Variants in TSC1 observed in about 807,000 individuals in gnomAD.
TSC1 encodes hamartin.
Under a neutral mutation model 124.3 loss-of-function variants are expected in TSC1, and 20 were observed. The observed-to-expected ratio is 0.16, with a 90% confidence interval of 0.11 to 0.23. The LOEUF (loss-of-function observed/expected upper bound fraction) is 0.23. Ranked by LOEUF, TSC1 falls within the 10% of genes least tolerant of loss-of-function variation. The pLI, the probability that TSC1 is intolerant of heterozygous loss-of-function variation, is 1.00. For missense variants in TSC1, 1,124 were observed against 1,448.5 expected (o/e 0.78, Z 3.64); for synonymous variants, 493 against 539.1 (o/e 0.91, Z 1.19).
chr9:132,913,980 C>T (rs1313134671), intron 8 of TSC1, among the ~76,000 whole-genome samples: 5 of 147,446 alleles, frequency 3.4e-5, no homozygotes, highest in Non-Finnish European at 7.5e-5. Context: ...CTCACTGCAA[C>T]CTCCACCTTC....
intron 8 of TSC1, among the ~76,000 whole-genome samples, chr9:132,919,418 GAAT>G (rs1846425581): frequency 6.6e-6 from 1 of 152,170 alleles, no homozygotes; most frequent in Non-Finnish European, 1.5e-5. Flanking sequence ...GGAAATTTCA[GAAT>G]ATTATGACAA....
chr9:132,929,911 G>A (rs998338265), intron 2 of TSC1, among the ~76,000 whole-genome samples: 20 of 152,230 alleles, frequency 1.3e-4, no homozygotes, highest in Admixed American at 8.5e-4. Context: ...AGGTATGCCC[G>A]ACTCCAAAGC....
chr9:132,934,979 G>A (rs1847381058), intron 2 of TSC1, 54 bp downstream of exon 2: 1 of 398,852 alleles, frequency 2.5e-6, no homozygotes, highest in South Asian at 1.3e-4. Flanking sequence ...CACGACCATG[G>A]GCAAGATAAT....
chr9:132,910,531 T>C (rs1481204257), intron 12 of TSC1, 40 bp downstream of exon 12: 1 of 1,613,742 alleles, frequency 6.2e-7, no homozygotes, highest in African/African-American at 1.3e-5. Context: ...AGTGAGTCAC[T>C]GTGCCTGGGC....
At position 132,893,043 on chromosome 9, in the gene TSC1, G is replaced by GT. The variant is rs1265058606; in HGVS notation, c.*3191dup. The GT allele has an allele frequency of 1.3e-5, 3 of 233,240 alleles. No individual in the cohort carries two copies. The highest frequency in any genetic ancestry group is 1.7e-5 in the Non-Finnish European group (2 of 118,064). The allele number at this position is 233,240 out of a possible 1,614,324, so 14.4% of individuals were successfully genotyped here. A position where few individuals can be genotyped will look rare whatever the true frequency, so the allele number is the denominator to read the frequency against. The stretch of plus-strand genomic sequence containing the variant: ...TGAATTTTTCTAATTGTCCTGGGTC[G>GT]TAACAGTTCACCTTCTCAGAACAGT... On this transcript the variant is annotated 3_prime_UTR_variant, in exon 23 of 23. Transcript: ENST00000298552.
In TSC1 at chr9:132,921,427, C is replaced by T. The variant is rs572899352; in HGVS notation, c.673G>A (p.Glu225Lys). The T allele has an allele frequency of 1.2e-6, 2 of 1,614,122 alleles. No homozygotes were observed. Among genetic ancestry groups the T allele is most frequent in the African/African-American group, 1.3e-5 (1 of 75,050 alleles). ...AATTCCGGATGAATTCGCACATGCT[C>T]CATCATTGGCTAGAAGAGTTGGGTT... ...TFEEVVKPMMEHVRIHPELVT... is the reference protein window; with the variant it reads ...TFEEVVKPMMKHVRIHPELVT... The change falls in exon 8 of 23, where the codon GAG becomes AAG. Residue 225 changes from glutamate to lysine, a missense_variant. Glu to Lys is a moderately conservative substitution (Grantham distance 56). Coordinates refer to ENST00000298552, the MANE Select transcript of TSC1 (RefSeq NM_000368.5). This position sits in a 1 kb window ranked among gnomAD's most constrained non-coding sequence, Gnocchi z 4.3.
chr9:132,921,487 T>C lies in TSC1; in HGVS notation c.664-51A>G. ...TAAAGGGCTGAATGTTTGTGGAACA[T>C]CCAAATGATGGAATATTAGTTGACA... is the stretch of plus-strand genomic sequence containing the variant. On this transcript the variant is annotated intron_variant, in intron 7 of 22. Transcript: ENST00000298552. This position sits in a 1 kb window ranked among gnomAD's most constrained non-coding sequence, Gnocchi z 4.3. The C allele has an allele frequency of 6.3e-7, 1 of 1,587,606 alleles. No individual in the cohort carries two copies. Among genetic ancestry groups the C allele is most frequent in the Non-Finnish European group, 8.7e-7 (1 of 1,156,024 alleles).
At chr9:132,909,643 A>G (rs1407899039) in intron 12 of TSC1, 1 of 152,190 alleles carries the variant, frequency 6.6e-6, no homozygotes, top group Non-Finnish European at 1.5e-5. Flanking sequence ...CTCAATTCAA[A>G]TAACTGCATG....
intron 1 of TSC1, among the ~76,000 whole-genome samples, chr9:132,935,591 C>A (rs919525835): frequency 6.6e-6 from 1 of 152,224 alleles, no homozygotes; most frequent in Non-Finnish European, 1.5e-5. Context: ...ACCGAAGTTA[C>A]TGGAGGAGCC....
chr9:132,911,625 TAAAAAAAAAA>T (rs11364856), intron 9 of TSC1, 57 bp from the exon 10 acceptor site: 235 of 168,986 alleles, frequency 1.4e-3, no homozygotes, highest in African/African-American at 2.0e-3. Flanking sequence ...TTATTCTGGT[TAAAAAAAAAA>T]AAAAAAAAAA....
rs1846562767 is a variant in TSC1 at position 132,921,691 on chromosome 9, G to A, written c.663+128C>T. 1 of 1,257,252 alleles carries A rather than the reference G, an allele frequency of 8.0e-7. No homozygotes were observed. Among genetic ancestry groups the A allele is most frequent in the Admixed American group, 1.8e-5 (1 of 56,114 alleles). 77.9% of individuals were successfully genotyped at this position (1,257,252 alleles called of 1,614,324 possible). ...ACAGATTAGTGGCTGCCTAGGGATTGGAGTGGCGAGGAAGAAAACTGAATT... is the reference window on the plus strand; with the variant it reads ...ACAGATTAGTGGCTGCCTAGGGATTAGAGTGGCGAGGAAGAAAACTGAATT... On this transcript the variant is annotated intron_variant, in intron 7 of 22. Transcript: ENST00000298552. The surrounding 1 kb of genome is among the most constrained non-coding windows in gnomAD (Gnocchi z 4.3).
chr9:132,917,448 A>T (rs918716708), intron 8 of TSC1, among the ~76,000 whole-genome samples: 1 of 152,132 alleles, frequency 6.6e-6, no homozygotes, highest in Non-Finnish European at 1.5e-5. Flanking sequence ...CTCCTGCCTC[A>T]GCCTCCCAAG....
In TSC1 at chr9:132,896,351, C is replaced by A. The variant is rs1845037495; in HGVS notation, c.3379G>T (p.Val1127Leu). The change falls in exon 23 of 23, where the codon GTG becomes TTG. Residue 1127 changes from valine to leucine, a missense_variant. Val to Leu is a conservative substitution (Grantham distance 32). This residue lies in a region of TSC1 where 325 missense variants were observed against 383.4 expected (regional missense o/e 0.85). Transcript: ENST00000298552. This position sits in a 1 kb window ranked among gnomAD's most constrained non-coding sequence, Gnocchi z 4.5. ...LKTELGKDLG[V>L]EAKIPLNLDG... Reference sequence around the variant, plus strand: ...AGGTTCAGGGGAATCTTGGCTTCCACACCCAAGTCTTTGCCCAGTTCTGTC... The same window carrying A: ...AGGTTCAGGGGAATCTTGGCTTCCAAACCCAAGTCTTTGCCCAGTTCTGTC... 6.2e-7 allele frequency: 1 copy of A among 1,614,218 alleles called. No individual in the cohort carries two copies. Among genetic ancestry groups the A allele is most frequent in the Non-Finnish European group, 8.5e-7 (1 of 1,180,022 alleles).
chr9:132,927,664 T>A (rs984415716), intron 3 of TSC1, among the ~76,000 whole-genome samples: 1 of 151,698 alleles, frequency 6.6e-6, no homozygotes, highest in Non-Finnish European at 1.5e-5. Flanking sequence ...CTAGCTGGGA[T>A]TACAGGCACC....
chr9:132,916,477 CCCT>C (rs1208888381), intron 8 of TSC1, among the ~76,000 whole-genome samples: 7 of 152,014 alleles, frequency 4.6e-5, no homozygotes, highest in African/African-American at 1.7e-4. Context: ...TATATCCTTT[CCCT>C]CCTCCTCAAT....
At chr9:132,909,681 G>C (rs1845842979) in intron 12 of TSC1, 1 of 152,144 alleles carries the variant, frequency 6.6e-6, no homozygotes, top group African/African-American at 2.4e-5. Context: ...TCATACCCTG[G>C]TATGCAGTAC....
intron 5 of TSC1, among the ~76,000 whole-genome samples, chr9:132,924,552 T>C (rs1275788682): frequency 6.6e-6 from 1 of 152,208 alleles, no homozygotes; most frequent in Non-Finnish European, 1.5e-5. Flanking sequence ...AAAAGATAAG[T>C]GTTTTGCAAT....
chr9:132,892,806 C>G lies in TSC1; in HGVS notation c.*3429G>C, dbSNP rs1257753322. 4.3e-6 allele frequency: 1 copy of G among 233,208 alleles called. No homozygotes were observed. Among genetic ancestry groups the G allele is most frequent in the Non-Finnish European group, 8.5e-6 (1 of 118,082 alleles). 14.4% of individuals were successfully genotyped at this position (233,208 alleles called of 1,614,324 possible). A position where few individuals can be genotyped will look rare whatever the true frequency, so the allele number is the denominator to read the frequency against. On this transcript the variant is annotated 3_prime_UTR_variant, in exon 23 of 23. Coordinates refer to ENST00000298552, the MANE Select transcript of TSC1 (RefSeq NM_000368.5). ...TGAAACGCATACCCAGTTTTCTATT[C>G]TTAACAGTGAGTCTGAGCCTCTGTG...
chr9:132,903,612 C>T lies in TSC1; in HGVS notation c.2208+39G>A. On this transcript the variant is annotated intron_variant, in intron 17 of 22. Coordinates refer to ENST00000298552, the MANE Select transcript of TSC1 (RefSeq NM_000368.5). The surrounding 1 kb of genome is among the most constrained non-coding windows in gnomAD (Gnocchi z 5.9). Reference sequence around the variant, plus strand: ...GCTATCATGCTGACCCAAAACAAAACAAAAAGCAAGCTCCACCTGTCCCCT... The same window carrying T: ...GCTATCATGCTGACCCAAAACAAAATAAAAAGCAAGCTCCACCTGTCCCCT... 1 of 1,611,694 alleles carries T rather than the reference C, an allele frequency of 6.2e-7. No individual in the cohort carries two copies. The highest frequency in any genetic ancestry group is 8.5e-7 in the Non-Finnish European group (1 of 1,179,688).
Sources: allele counts gnomAD v4.1 joint callset (sites outside exome capture counted in the v4.1 genomes callset), GRCh38; gene constraint gnomAD v4.1.1; regional missense constraint gnomAD v4.1.1; non-coding constraint Gnocchi (gnomAD v3.1); transcripts MANE v1.5; gene names NCBI Gene and HGNC (gene_info 2026-07-23, HGNC 2026-07-21).